The following CADPS2 variants were observed in gnomAD, a reference collection of about 807,000 sequenced individuals.
The protein encoded by CADPS2 is calcium-dependent secretion activator 2.
In CADPS2, 93 loss-of-function variants were observed where a neutral mutation model predicts 172.5. The ratio of observed to expected loss-of-function variants is 0.54; its 90% CI spans 0.46 to 0.64. The LOEUF is 0.64. Among genes scored for constraint, CADPS2 ranks in the 30% least tolerant of loss-of-function variants. The probability of loss-of-function intolerance (pLI) is 0.00; values close to 1 mark genes in which losing one functional copy is unlikely to be tolerated. For synonymous variants in CADPS2, 546 were observed against 555.2 expected, an observed-to-expected ratio of 0.98 and a Z score of 0.23; for missense variants, 1,420 against 1,565.9, an observed-to-expected ratio of 0.91 and a Z score of 1.57.
At chr7:122,490,031 CTTA>C (rs2152304043) in intron 11 of CADPS2, 47 bp downstream of exon 11, 4 of 1,499,952 alleles carry the variant, frequency 2.7e-6, no homozygotes, top group Non-Finnish European at 3.7e-6. Context: ...AATTTTATAT[CTTA>C]TTAAGGCTAT....
intron 15 of CADPS2, among the ~76,000 whole-genome samples, chr7:122,449,995 T>A (rs1176812929): frequency 6.6e-6 from 1 of 152,172 alleles, no homozygotes; most frequent in African/African-American, 2.4e-5. Context: ...ACTATGAGAT[T>A]TTCTCCTTTC....
chr7:122,883,473 G>A (rs1364945006), intron 1 of CADPS2, among the ~76,000 whole-genome samples: 1 of 152,090 alleles, frequency 6.6e-6, no homozygotes, highest in Non-Finnish European at 1.5e-5. Flanking sequence ...TGAAGATACA[G>A]AATAAAATAA....
At chr7:122,454,939 C>T (rs1002171096) in intron 14 of CADPS2, among the ~76,000 whole-genome samples, 2 of 152,110 alleles carry the variant, frequency 1.3e-5, no homozygotes, top group Non-Finnish European at 2.9e-5. Context: ...TCTCCTCCAG[C>T]GCTTTCTTTG....
intron 4 of CADPS2, among the ~76,000 whole-genome samples, chr7:122,623,506 G>C (rs544214741): frequency 2.6e-4 from 40 of 152,210 alleles, no homozygotes; most frequent in African/African-American, 9.6e-4. Context: ...AAAGATTCCA[G>C]ACAATAAAGC....
chr7:122,611,800 C>T (rs2074328516), intron 6 of CADPS2, among the ~76,000 whole-genome samples: 1 of 151,868 alleles, frequency 6.6e-6, no homozygotes, highest in Non-Finnish European at 1.5e-5. Context: ...AATATAGAGG[C>T]CAAAAACTTC....
chr7:122,718,895 C>A (rs2090020708), intron 2 of CADPS2, among the ~76,000 whole-genome samples: 1 of 152,084 alleles, frequency 6.6e-6, no homozygotes, highest in Non-Finnish European at 1.5e-5. Context: ...TGGACTCTAT[C>A]CTGCTTTCTC....
intron 6 of CADPS2, 22 bp downstream of exon 6, chr7:122,615,159 A>C (rs1470270758): frequency 1.4e-6 from 2 of 1,384,826 alleles, no homozygotes; most frequent in Non-Finnish European, 2.0e-6. Context: ...CAACAATAAT[A>C]CACTTTTTTC....
Position 122,401,653 on chromosome 7 carries a change from T to A in CADPS2, c.2746+5887A>T, listed in dbSNP as rs184869218. 2.0e-5 allele frequency among the ~76,000 whole-genome samples: 3 copies of A among 152,328 alleles called. No individual in the cohort carries two copies. The East Asian group carries it at 5.8e-4, about 29-fold the overall frequency. ...TTTATCTTCCCTCAATTTGAATACATCTCTCTTTCAAAAGTGTTTCCTTAG... is the reference window on the plus strand; with the variant it reads ...TTTATCTTCCCTCAATTTGAATACAACTCTCTTTCAAAAGTGTTTCCTTAG... On this transcript the variant is annotated intron_variant, in intron 20 of 29. Coordinates refer to ENST00000449022, the MANE Select transcript of CADPS2 (RefSeq NM_017954.11).
chr7:122,699,312 A>G (rs1172042003), intron 2 of CADPS2, among the ~76,000 whole-genome samples: 1 of 152,204 alleles, frequency 6.6e-6, no homozygotes, highest in Non-Finnish European at 1.5e-5. Context: ...TAATGGTAGT[A>G]GATAGCACAT....
intron 1 of CADPS2, among the ~76,000 whole-genome samples, chr7:122,804,024 T>C (rs536968457): frequency 4.6e-5 from 7 of 151,474 alleles, no homozygotes; most frequent in Admixed American, 4.6e-4. Context: ...TCTGAAGCTT[T>C]TGCTTAAGGG....
intron 3 of CADPS2, among the ~76,000 whole-genome samples, chr7:122,637,353 CT>C (rs1275637425): frequency 2.6e-5 from 4 of 151,840 alleles, no homozygotes; most frequent in Non-Finnish European, 5.9e-5. Context: ...ACCACCATAC[CT>C]GGCTAATTTC....
At chr7:122,613,084 C>T (rs191715282) in intron 6 of CADPS2, among the ~76,000 whole-genome samples, 470 of 152,132 alleles carry the variant, frequency 3.1e-3, no homozygotes, top group Non-Finnish European at 4.1e-3. Context: ...CTATGAAAGT[C>T]TCAGGAGAAA....
chr7:122,708,520 G>GATATATATATAT (rs57522086), intron 2 of CADPS2, among the ~76,000 whole-genome samples: 3 of 116,482 alleles, frequency 2.6e-5, no homozygotes, highest in African/African-American at 1.0e-4. Context: ...TTGTATTCGA[G>GATATATATATAT]ATATATATAT....
At chr7:122,691,723 G>A (rs2084394041) in intron 2 of CADPS2, among the ~76,000 whole-genome samples, 1 of 152,178 alleles carries the variant, frequency 6.6e-6, no homozygotes, top group Non-Finnish European at 1.5e-5. Context: ...TGAGAGGAAT[G>A]CATTGGTCAG....
At chr7:122,828,363 ACTCTAT>A (rs1343139441) in intron 1 of CADPS2, among the ~76,000 whole-genome samples, 15 of 149,014 alleles carry the variant, frequency 1.0e-4, no homozygotes, top group Admixed American at 5.3e-4. Context: ...TTTTTTATCC[ACTCTAT>A]CTCTGTTTTT....
intron 8 of CADPS2, among the ~76,000 whole-genome samples, chr7:122,522,701 C>A (rs1415176242): frequency 6.6e-6 from 1 of 152,000 alleles, no homozygotes. Context: ...TAACCAACCT[C>A]TCTTCAGCCC....
At chr7:122,471,930 T>C (rs1487655607) in intron 13 of CADPS2, among the ~76,000 whole-genome samples, 1 of 152,156 alleles carries the variant, frequency 6.6e-6, no homozygotes, top group African/African-American at 2.4e-5. Context: ...ATAGATGAAA[T>C]TTCCTGCTCA....
chr7:122,754,772 G>T (rs1290338846), intron 1 of CADPS2, among the ~76,000 whole-genome samples: 1 of 152,196 alleles, frequency 6.6e-6, no homozygotes, highest in Admixed American at 6.5e-5. Flanking sequence ...ACCACACCCA[G>T]AGCCTAATTT....
chr7:122,721,723 A>G (rs1436545449), intron 2 of CADPS2, among the ~76,000 whole-genome samples: 1 of 152,168 alleles, frequency 6.6e-6, no homozygotes. Flanking sequence ...AAAGCCTGGC[A>G]GAGACACAAC....
Sources: gnomAD v4.1 joint callset for allele counts (sites outside exome capture counted in the v4.1 genomes callset) on GRCh38, gnomAD v4.1.1 for gene constraint, MANE v1.5 for transcripts, NCBI Gene and HGNC (gene_info 2026-07-23, HGNC 2026-07-21) for gene names.